Variants in DENND1B observed in about 807,000 individuals in gnomAD.
DENND1B encodes the protein DENN domain-containing protein 1B.
Under a neutral mutation model 90.1 loss-of-function variants are expected in DENND1B, and 59 were observed. The observed-to-expected ratio is 0.65, with a 90% CI of 0.53 to 0.81. The LOEUF is 0.81. Ranked by LOEUF, DENND1B falls within the 40% of genes least tolerant of loss-of-function variation. The pLI is 0.00. For synonymous variants in DENND1B, 337 were observed against 324.6 expected, an observed-to-expected ratio of 1.04 and a Z score of -0.41; for missense variants, 862 against 912.6, an observed-to-expected ratio of 0.94 and a Z score of 0.71.
intron 18 of DENND1B, 84 bp from the exon 19 acceptor site, chr1:197,541,099 C>A (rs1670305144): frequency 8.6e-7 from 1 of 1,167,210 alleles, no homozygotes. Flanking sequence ...AATTTAATGA[C>A]AATTACTAAA....
intron 20 of DENND1B, among the ~76,000 whole-genome samples, chr1:197,526,537 T>A (rs1209991320): frequency 6.6e-6 from 1 of 152,160 alleles, no homozygotes; most frequent in African/African-American, 2.4e-5. Context: ...TTCACTAGAT[T>A]TACTAAATGG....
chr1:197,769,028 C>T (rs1294465368), intron 2 of DENND1B, among the ~76,000 whole-genome samples: 2 of 152,160 alleles, frequency 1.3e-5, no homozygotes, highest in Non-Finnish European at 2.9e-5. Flanking sequence ...TCTGAAGATA[C>T]TTATCTAAGC....
chr1:197,734,553 G>T, intron 2 of DENND1B: 2 of 976,078 alleles, frequency 2.0e-6, no homozygotes, highest in Non-Finnish European at 2.4e-6. Flanking sequence ...TGTGTTATTG[G>T]TATAAAAAGA....
intron 15 of DENND1B, among the ~76,000 whole-genome samples, chr1:197,581,370 A>G (rs1052476479): frequency 2.0e-5 from 3 of 152,188 alleles, no homozygotes; most frequent in Non-Finnish European, 4.4e-5. Context: ...GACCATTTTC[A>G]TATTTTACAT....
At chr1:197,703,573 T>C (rs1021328230) in intron 3 of DENND1B, among the ~76,000 whole-genome samples, 8 of 152,182 alleles carry the variant, frequency 5.3e-5, no homozygotes, top group Non-Finnish European at 1.0e-4. Flanking sequence ...ACCTCTGAGA[T>C]GTCTTAAAGT....
chr1:197,697,387 C>T (rs948272975), intron 3 of DENND1B, among the ~76,000 whole-genome samples: 1 of 151,758 alleles, frequency 6.6e-6, no homozygotes, highest in Non-Finnish European at 1.5e-5. Context: ...TCTACTACAA[C>T]TTCAAATCAT....
At chr1:197,566,905 C>T (rs1439337509) in intron 15 of DENND1B, among the ~76,000 whole-genome samples, 1 of 151,916 alleles carries the variant, frequency 6.6e-6, no homozygotes, top group Non-Finnish European at 1.5e-5. Context: ...GCAGAGAAAA[C>T]AAGAACAACA....
chr1:197,692,414 G>A (rs1344277406), intron 3 of DENND1B, among the ~76,000 whole-genome samples: 2 of 149,988 alleles, frequency 1.3e-5, no homozygotes, highest in African/African-American at 5.0e-5. Flanking sequence ...TTCATAATCT[G>A]ACCAAACTAC....
rs1678197974 is a variant in DENND1B at position 197,621,843 on chromosome 1, T to A, written c.673-4084A>T. Among the ~76,000 whole-genome samples, 2 of 151,422 alleles carry A rather than the reference T, an allele frequency of 1.3e-5. 1 individual carries two copies. Among genetic ancestry groups the A allele is most frequent in the South Asian group, 4.1e-4 (2 of 4,826 alleles). On this transcript the variant is annotated intron_variant, in intron 10 of 22. Transcript: ENST00000620048. ...TTCAGATAAAAATGAATTTACCAAA[T>A]AAAGGTTTATGGAAAAAAATTTCTT...
Position 197,681,114 on chromosome 1 carries a change from C to T in DENND1B, c.127-6945G>A, listed in dbSNP as rs192462371. ...CTGTGTCCAATGCCTGTTGCCAAAA[C>T]TTTAACATACTGAGATATAATATGA... On this transcript the variant is annotated intron_variant, in intron 3 of 22. Transcript: ENST00000620048. Among the ~76,000 whole-genome samples, 354 of 152,156 alleles carry T rather than the reference C, an allele frequency of 2.3e-3. 2 individuals are homozygous for T. Among genetic ancestry groups the T allele is most frequent in the African/African-American group, 8.0e-3 (334 of 41,532 alleles).
At chr1:197,546,135 CAGT>C in intron 17 of DENND1B, 145 bp from the exon 18 acceptor site, 1 of 310,646 alleles carries the variant, frequency 3.2e-6, no homozygotes, top group Non-Finnish European at 5.6e-6. Context: ...GTTCAGTGTT[CAGT>C]GTTTTCAAGT....
At chr1:197,597,909 C>CA (rs990943372) in intron 13 of DENND1B, among the ~76,000 whole-genome samples, 11 of 151,018 alleles carry the variant, frequency 7.3e-5, no homozygotes, top group African/African-American at 9.7e-5. Context: ...AGACTCAGTA[C>CA]AAAAAAAACT....
rs192443183 is a variant in DENND1B, at chr1:197,549,340, G to A, written c.1241-2567C>T. On this transcript the variant is annotated intron_variant, in intron 16 of 22. Transcript: ENST00000620048. ...CCACTAAACTGATATTACCTACCACGTCTTCAAATTCCTTTGATACCTTAG... is the reference window on the plus strand; with the variant it reads ...CCACTAAACTGATATTACCTACCACATCTTCAAATTCCTTTGATACCTTAG... Among the ~76,000 whole-genome samples the A allele has an allele frequency of 2.0e-3, 298 of 152,018 alleles. 1 individual carries two copies. Among genetic ancestry groups the A allele is most frequent in the Non-Finnish European group, 3.7e-3 (248 of 67,930 alleles).
At chr1:197,684,685 T>A (rs1460866150) in intron 3 of DENND1B, among the ~76,000 whole-genome samples, 2 of 152,218 alleles carry the variant, frequency 1.3e-5, no homozygotes, top group Non-Finnish European at 2.9e-5. Context: ...ATATCTCTGC[T>A]TATCTGTTAC....
intron 20 of DENND1B, among the ~76,000 whole-genome samples, chr1:197,537,257 G>A (rs1295856489): frequency 1.3e-5 from 2 of 151,986 alleles, no homozygotes; most frequent in African/African-American, 4.8e-5. Flanking sequence ...TTATACACCA[G>A]GTAGGAAAAT....
Position 197,504,910 on chromosome 1 carries a change from T to C in DENND1B, c.*5550A>G, listed in dbSNP as rs1464210850. On this transcript the variant is annotated 3_prime_UTR_variant, in exon 23 of 23. Coordinates refer to ENST00000620048, the MANE Select transcript of DENND1B (RefSeq NM_001195215.2). ...AGTCAAGTTTGGAGATGATTTATAC[T>C]GTAGCCTCAAGGATGCAAGAACAAT... 2 of 151,872 alleles carry C rather than the reference T, an allele frequency of 1.3e-5. No homozygotes were observed. Among genetic ancestry groups the C allele is most frequent in the African/African-American group, 2.4e-5 (1 of 41,412 alleles). 9.4% of individuals were successfully genotyped at this position (151,872 alleles called of 1,614,324 possible).
chr1:197,542,768 A>G (rs991374927), intron 18 of DENND1B, among the ~76,000 whole-genome samples: 2 of 152,152 alleles, frequency 1.3e-5, no homozygotes, highest in African/African-American at 4.8e-5. Flanking sequence ...TACAAAGATC[A>G]CAGAATGACT....
At chr1:197,551,210 T>C (rs953910575) in intron 16 of DENND1B, among the ~76,000 whole-genome samples, 1 of 152,082 alleles carries the variant, frequency 6.6e-6, no homozygotes, top group African/African-American at 2.4e-5. Flanking sequence ...CACATTTTGC[T>C]TTATTTTCAT....
rs745534795 is a variant in DENND1B at position 197,510,525 on chromosome 1, T to C, written c.2263A>G (p.Met755Val). 1.2e-5 allele frequency: 19 copies of C among 1,612,276 alleles called. No homozygotes were observed. Among genetic ancestry groups the C allele is most frequent in the African/African-American group, 1.1e-4 (8 of 74,796 alleles). The change falls in exon 23 of 23, where the codon ATG becomes GTG. Residue 755 changes from methionine (M) to valine (V), a missense_variant. Coordinates refer to ENST00000620048, the MANE Select transcript of DENND1B (RefSeq NM_001195215.2). Reference sequence around the variant, plus strand: ...AAGCTTTGTTGGAAGTCAGATGTCATATGACATAATGACACTACTTCATGG... The same window carrying C: ...AAGCTTTGTTGGAAGTCAGATGTCACATGACATAATGACACTACTTCATGG... ...LLHEVVSLCH[M>V]TSDFQQSLNI...
Sources: allele counts gnomAD v4.1 joint callset (sites outside exome capture counted in the v4.1 genomes callset), GRCh38; gene constraint gnomAD v4.1.1; transcripts MANE v1.5; gene names NCBI Gene and HGNC (gene_info 2026-07-23, HGNC 2026-07-21).